DZIP1L: variants seen among roughly 807,000 people sequenced by gnomAD.
DZIP1L encodes DAZ interacting zinc finger protein 1 like, also known as cilium assembly protein DZIP1L.
Under a neutral mutation model 88.7 loss-of-function variants are expected in DZIP1L, and 90 were observed. The observed-to-expected ratio is 1.02, with a 90% confidence interval of 0.86 to 1.21. DZIP1L has a LOEUF of 1.21. Among genes scored for constraint, DZIP1L ranks in the 50% most tolerant of loss-of-function variants. The probability of loss-of-function intolerance (pLI) is 0.00; values close to 1 mark genes in which losing one functional copy is unlikely to be tolerated. For synonymous variants in DZIP1L, 363 were observed against 372.1 expected (o/e 0.98, Z 0.28); for missense variants, 932 against 955.8 (o/e 0.98, Z 0.33).
chr3:138,097,107 G>A (rs1432754107), intron 3 of DZIP1L, among the ~76,000 whole-genome samples: 1 of 151,960 alleles, frequency 6.6e-6, no homozygotes, highest in African/African-American at 2.4e-5. Context: ...CTTGAGCCCA[G>A]GAGGTGGAGG....
intron 12 of DZIP1L, among the ~76,000 whole-genome samples, chr3:138,070,244 A>G (rs1943115690): frequency 6.6e-6 from 1 of 152,174 alleles, no homozygotes; most frequent in African/African-American, 2.4e-5. Flanking sequence ...CACAGAGTCA[A>G]CCTCAGCAAG....
rs562535411 is a variant in DZIP1L at position 138,103,570 on chromosome 3, G to A, written c.402C>T (p.Asp134=). ...RGQQELGRQA[D]ELKGVREESR... Reference sequence around the variant, plus strand: ...TCTCCTCCCGCACACCCTTGAGCTCGTCAGCCTGGCGTCCCAGCTCCTGCT... The same window carrying A: ...TCTCCTCCCGCACACCCTTGAGCTCATCAGCCTGGCGTCCCAGCTCCTGCT... The change falls in exon 2 of 16, where the codon GAC becomes GAT. Residue 134 remains aspartate, a synonymous_variant. Transcript: ENST00000327532. 36 of 1,608,098 alleles carry A rather than the reference G, an allele frequency of 2.2e-5. No individual in the cohort carries two copies. The highest frequency in any genetic ancestry group is 5.0e-5 in the Admixed American group (3 of 59,874).
Position 138,062,558 on chromosome 3 carries a change from C to T in DZIP1L, c.*258G>A, listed in dbSNP as rs762651521. 4.9e-6 allele frequency: 2 copies of T among 404,460 alleles called. No homozygotes were observed. Among genetic ancestry groups the T allele is most frequent in the Non-Finnish European group, 9.0e-6 (2 of 222,954 alleles). The allele number at this position is 404,460 out of a possible 1,614,324, so 25.1% of individuals were successfully genotyped here. A position where few individuals can be genotyped will look rare whatever the true frequency, so the allele number is the denominator to read the frequency against. The stretch of plus-strand genomic sequence containing the variant: ...ATGTGGAGGTAGAGGAAGAAAACTA[C>T]CTGGAGGTTCTATTTTAACCCTTTC... On this transcript the variant is annotated 3_prime_UTR_variant, in exon 16 of 16. Coordinates refer to ENST00000327532, the MANE Select transcript of DZIP1L (RefSeq NM_173543.3).
chr3:138,094,195 T>C (rs375368481), intron 4 of DZIP1L, among the ~76,000 whole-genome samples: 60 of 152,246 alleles, frequency 3.9e-4, no homozygotes, highest in African/African-American at 1.4e-3. Flanking sequence ...ATAATAATAA[T>C]GAAAAAGTTT....
rs949900536 is a variant in DZIP1L, at chr3:138,101,976, A to G, written c.501+1495T>C. ...CTCAATCTCAGCCTGGAGCCGGCTG[A>G]TGTTCTGGTTCATCTCAGAGATCTC... On this transcript the variant is annotated intron_variant, in intron 2 of 15. Coordinates refer to ENST00000327532, the MANE Select transcript of DZIP1L (RefSeq NM_173543.3). 5.1e-5 allele frequency: 79 copies of G among 1,542,118 alleles called. No individual in the cohort carries two copies. In the African/African-American group the frequency reaches 9.8e-4, roughly 19 times the overall value.
intron 7 of DZIP1L, 79 bp downstream of exon 7, chr3:138,086,882 G>T: frequency 6.9e-7 from 1 of 1,442,582 alleles, no homozygotes; most frequent in Non-Finnish European, 9.6e-7. Context: ...GATGGTGGGT[G>T]AGGGGGCGTG....
chr3:138,083,541 G>A (rs1943771354), intron 8 of DZIP1L, among the ~76,000 whole-genome samples: 1 of 152,212 alleles, frequency 6.6e-6, no homozygotes, highest in Non-Finnish European at 1.5e-5. Flanking sequence ...GGAGAAAGGT[G>A]CTAACTAAGT....
At chr3:138,066,909 G>A (rs1335865906) in intron 14 of DZIP1L, among the ~76,000 whole-genome samples, 1 of 152,162 alleles carries the variant, frequency 6.6e-6, no homozygotes, top group Non-Finnish European at 1.5e-5. Flanking sequence ...AGAAGACAGT[G>A]CCAGCTCTTT....
At chr3:138,110,783 T>C (rs2042605908) in intron 1 of DZIP1L, among the ~76,000 whole-genome samples, 1 of 152,258 alleles carries the variant, frequency 6.6e-6, no homozygotes, top group Admixed American at 6.5e-5. Flanking sequence ...TTTACATGTA[T>C]TATCCCACTT....
chr3:138,089,021 T>C, intron 5 of DZIP1L: 1 of 985,458 alleles, frequency 1.0e-6, no homozygotes, highest in Non-Finnish European at 1.2e-6. Context: ...AAGAAAAAGG[T>C]ACAGAAAATT....
chr3:138,092,589 C>G, intron 4 of DZIP1L, 45 bp from the exon 5 acceptor site: 1 of 1,514,274 alleles, frequency 6.6e-7, no homozygotes. Flanking sequence ...TTCCACATTA[C>G]AGCAAATATT....
intron 8 of DZIP1L, among the ~76,000 whole-genome samples, chr3:138,083,354 A>G (rs774152835): frequency 4.6e-5 from 7 of 152,222 alleles, no homozygotes; most frequent in Non-Finnish European, 7.3e-5. Flanking sequence ...GGCCAGGACT[A>G]GACAGTAACA....
chr3:138,080,687 A>T (rs1943607375), intron 9 of DZIP1L, 67 bp from the exon 10 acceptor site: 1 of 1,553,044 alleles, frequency 6.4e-7, no homozygotes, highest in East Asian at 2.3e-5. Context: ...GAAGAAAAGT[A>T]CAGAACCCCA....
At chr3:138,068,661 C>A (rs72991163) in intron 12 of DZIP1L, among the ~76,000 whole-genome samples, 4,102 of 152,170 alleles carry the variant, frequency 0.027, 172 homozygotes, top group African/African-American at 0.093. Context: ...AAGAGGGGCT[C>A]AGTAGTCCTA....
At chr3:138,072,716 C>A (rs1003535960) in intron 11 of DZIP1L, among the ~76,000 whole-genome samples, 1 of 152,164 alleles carries the variant, frequency 6.6e-6, no homozygotes, top group African/African-American at 2.4e-5. Context: ...CCCTGAGATG[C>A]CGAAAACCTG....
At chr3:138,106,919 C>T (rs1323741691) in intron 1 of DZIP1L, among the ~76,000 whole-genome samples, 1 of 151,866 alleles carries the variant, frequency 6.6e-6, no homozygotes. Flanking sequence ...AGGAACAGCC[C>T]CTGACCCCAC....
intron 1 of DZIP1L, among the ~76,000 whole-genome samples, chr3:138,106,373 C>T (rs1209950043): frequency 3.3e-5 from 5 of 150,702 alleles, no homozygotes; most frequent in African/African-American, 7.3e-5. Flanking sequence ...CTCCTGACCT[C>T]GTGATCCACC....
chr3:138,072,788 C>T (rs1943239428), intron 11 of DZIP1L, among the ~76,000 whole-genome samples: 2 of 152,156 alleles, frequency 1.3e-5, no homozygotes, highest in South Asian at 4.1e-4. Flanking sequence ...GCCCTGGTCA[C>T]TGGCTGCTTG....
chr3:138,114,913 T>A (rs2042667846), intron 1 of DZIP1L, among the ~76,000 whole-genome samples: 1 of 152,162 alleles, frequency 6.6e-6, no homozygotes, highest in African/African-American at 2.4e-5. Flanking sequence ...TTAAATCACC[T>A]CATTACTAAA....
Sources: gnomAD v4.1 joint callset for allele counts (sites outside exome capture counted in the v4.1 genomes callset) on GRCh38, gnomAD v4.1.1 for gene constraint, MANE v1.5 for transcripts, NCBI Gene and HGNC (gene_info 2026-07-23, HGNC 2026-07-21) for gene names.